CHRDL2: variants seen among roughly 807,000 people sequenced by gnomAD.
CHRDL2 encodes chordin-like protein 2.
Under a neutral mutation model 54.3 loss-of-function variants are expected in CHRDL2, and 41 were observed. That is an observed-to-expected ratio of 0.76 (90% CI 0.59 to 0.98). The LOEUF is 0.98. CHRDL2 is among the 50% of genes least tolerant of loss of function. The pLI, the probability that CHRDL2 is intolerant of heterozygous loss-of-function variation, is 0.00. For synonymous variants in CHRDL2, 220 were observed against 224.3 expected (o/e 0.98, Z 0.17); for missense variants, 518 against 562.4 (o/e 0.92, Z 0.80).
intron 2 of CHRDL2, among the ~76,000 whole-genome samples, chr11:74,714,414 G>A (rs1431561726): frequency 6.6e-6 from 1 of 152,182 alleles, no homozygotes; most frequent in Non-Finnish European, 1.5e-5. Context: ...TCTGAAGTTG[G>A]CGAAGTTTGT....
chr11:74,715,006 C>T (rs968842422), intron 2 of CHRDL2, among the ~76,000 whole-genome samples: 3 of 152,182 alleles, frequency 2.0e-5, no homozygotes, highest in Non-Finnish European at 2.9e-5. Flanking sequence ...CATCCCACTT[C>T]GTCTTCTCAA....
At chr11:74,728,326 CT>C (rs886397677) in intron 1 of CHRDL2, among the ~76,000 whole-genome samples, 76 of 152,286 alleles carry the variant, frequency 5.0e-4, no homozygotes, top group Middle Eastern at 3.4e-3. Context: ...CCACAACAGG[CT>C]TGAGATCTCA....
chr11:74,724,612 T>A (rs2034544350), intron 1 of CHRDL2, among the ~76,000 whole-genome samples: 1 of 152,214 alleles, frequency 6.6e-6, no homozygotes, highest in South Asian at 2.1e-4. Context: ...TGCTGTTTCC[T>A]CCACCTGGAA....
intron 9 of CHRDL2, among the ~76,000 whole-genome samples, chr11:74,702,515 T>G (rs2033851831): frequency 6.6e-6 from 1 of 152,160 alleles, no homozygotes; most frequent in Admixed American, 6.5e-5. Flanking sequence ...CATCTGTCTA[T>G]TTCTCCCTGC....
At position 74,710,921 on chromosome 11, in the gene CHRDL2, G is replaced by C; in HGVS notation, c.360C>G (p.His120Gln). 3.7e-6 allele frequency: 6 copies of C among 1,614,142 alleles called. No homozygotes were observed. Among genetic ancestry groups the C allele is most frequent in the Non-Finnish European group, 5.1e-6 (6 of 1,180,000 alleles). Residue 120 changes from histidine (H) to glutamine (Q), a missense_variant, in exon 4 of 11, where the codon CAC (histidine) becomes CAG (glutamine). Physicochemically the swap from His to Gln is conservative, Grantham distance 24 (BLOSUM62 0). Coordinates refer to ENST00000376332, the MANE Select transcript of CHRDL2 (RefSeq NM_001278473.3). The stretch of plus-strand genomic sequence containing the variant: ...GCTCATGGGCACTGAAGATCTCTCC[G>C]TGTTGGTACATGGTCCCGTTGTGCT... The part of the protein sequence containing the change: ...SCQHNGTMYQ[H>Q]GEIFSAHELF...
At position 74,704,577 on chromosome 11, in the gene CHRDL2, G is replaced by T. The variant is rs772610323; in HGVS notation, c.660C>A (p.Ser220Arg). The change falls in exon 7 of 11, where the codon AGC (serine) becomes AGA (arginine). Residue 220 changes from serine (S) to arginine (R), a missense_variant. By Grantham distance (110) the Ser-to-Arg change is moderately radical (BLOSUM62 -1). Transcript: ENST00000376332. ...GPGTPAPTGL[S>R]APLSFIPRHF... is the part of the protein sequence containing the mutation. ...GGCGAGGGATGAAGCTCAGAGGGGC[G>T]CTGAGGCCAGTGGGGGCTGGGGTGC... 7 of 1,591,888 alleles carry T rather than the reference G, an allele frequency of 4.4e-6. No individual in the cohort carries two copies. The highest frequency in any genetic ancestry group is 1.8e-5 in the Admixed American group (1 of 55,450).
chr11:74,723,861 A>G (rs1023094152), intron 1 of CHRDL2, among the ~76,000 whole-genome samples: 2 of 152,184 alleles, frequency 1.3e-5, no homozygotes, highest in African/African-American at 4.8e-5. Flanking sequence ...TTCCAATTTA[A>G]CATTTTGGAC....
chr11:74,704,366 T>C, intron 7 of CHRDL2, 120 bp downstream of exon 7: 7 of 914,738 alleles, frequency 7.7e-6, no homozygotes, highest in Non-Finnish European at 9.5e-6. Context: ...TACAAGCTCA[T>C]GGCCAAGTTG....
At chr11:74,712,936 G>A (rs545568199) in intron 3 of CHRDL2, among the ~76,000 whole-genome samples, 18 of 152,242 alleles carry the variant, frequency 1.2e-4, no homozygotes, top group African/African-American at 4.1e-4. Flanking sequence ...CTCAGCAGTG[G>A]GAGGAATCTC....
At chr11:74,720,281 A>T (rs1016720489) in intron 1 of CHRDL2, 2 of 153,358 alleles carry the variant, frequency 1.3e-5, no homozygotes, top group Non-Finnish European at 2.9e-5. Flanking sequence ...AGCCACTGCA[A>T]AATGGACATT....
Position 74,702,850 on chromosome 11 carries a change from G to C in CHRDL2, c.1064C>G (p.Ala355Gly). 6.2e-7 allele frequency: 1 copy of C among 1,614,132 alleles called. No individual in the cohort carries two copies. The highest frequency in any genetic ancestry group is 8.5e-7 in the Non-Finnish European group (1 of 1,180,034). Residue 355 changes from alanine (A) to glycine (G), a missense_variant, in exon 9 of 11, where the codon GCC (alanine) becomes GGC (glycine). Physicochemically the swap from Ala to Gly is moderately conservative, Grantham distance 60. Coordinates refer to ENST00000376332, the MANE Select transcript of CHRDL2 (RefSeq NM_001278473.3). ...CAAGTCCGAGGCCTCGTGTTCCAGGGCAAAGCGACGCAGGTTGTCTGGGCT... is the reference window on the plus strand; with the variant it reads ...CAAGTCCGAGGCCTCGTGTTCCAGGCCAAAGCGACGCAGGTTGTCTGGGCT... ...SPSPDNLRRF[A>G]LEHEASDLVE...
In CHRDL2 at chr11:74,713,412, G is replaced by C; in HGVS notation, c.263C>G (p.Pro88Arg). The C allele has an allele frequency of 6.2e-7, 1 of 1,614,146 alleles. No individual in the cohort carries two copies. The highest frequency in any genetic ancestry group is 8.5e-7 in the Non-Finnish European group (1 of 1,180,004). Residue 88 changes from proline (P) to arginine (R), a missense_variant, in exon 3 of 11, where the codon CCA becomes CGA. By Grantham distance (103) the Pro-to-Arg change is moderately radical. Coordinates refer to ENST00000376332, the MANE Select transcript of CHRDL2 (RefSeq NM_001278473.3). The stretch of plus-strand genomic sequence containing the variant: ...CACACACTTGGGACAGCATTGCTGT[G>C]GCTCCGTCACAGGCTGGGGGCAGTG... ...PVHCPQPVTE[P>R]QQCCPKCVEP...
At chr11:74,701,418 A>G (rs2033805124) in intron 9 of CHRDL2, 1 of 528,156 alleles carries the variant, frequency 1.9e-6, no homozygotes. Flanking sequence ...TGCCTGGGAC[A>G]GCCCTTCAGA....
At chr11:74,713,754 C>T (rs1465388103) in intron 2 of CHRDL2, among the ~76,000 whole-genome samples, 1 of 152,190 alleles carries the variant, frequency 6.6e-6, no homozygotes, top group Non-Finnish European at 1.5e-5. Context: ...CAGAGAAAGA[C>T]ATGTAAGCCT....
At chr11:74,708,446 C>T (rs776644040) in intron 4 of CHRDL2, 51 bp from the exon 5 acceptor site, 3 of 1,383,782 alleles carry the variant, frequency 2.2e-6, no homozygotes, top group African/African-American at 1.5e-5. Flanking sequence ...AAGGGCTAGC[C>T]TTGGGGGCTA....
At chr11:74,718,929 C>T (rs1419799935) in intron 1 of CHRDL2, 97 bp from the exon 2 acceptor site, 2 of 747,574 alleles carry the variant, frequency 2.7e-6, no homozygotes, top group Non-Finnish European at 2.2e-6. Context: ...GAGATGTCAT[C>T]TGGGCCACTC....
At chr11:74,728,662 G>A (rs2034607579) in intron 1 of CHRDL2, among the ~76,000 whole-genome samples, 1 of 152,194 alleles carries the variant, frequency 6.6e-6, no homozygotes, top group Admixed American at 6.5e-5. Flanking sequence ...AACTACAGGT[G>A]TGTACCACTG....
intron 3 of CHRDL2, among the ~76,000 whole-genome samples, chr11:74,712,061 C>T (rs901107263): frequency 2.6e-5 from 4 of 152,150 alleles, no homozygotes; most frequent in East Asian, 3.9e-4. Context: ...CCGCCCGCCT[C>T]GGCCTCCCAA....
At chr11:74,705,618 G>C (rs1322997641) in intron 6 of CHRDL2, among the ~76,000 whole-genome samples, 1 of 152,236 alleles carries the variant, frequency 6.6e-6, no homozygotes, top group Admixed American at 6.5e-5. Context: ...CACCCAGCCC[G>C]TCAGTAAGTA....
Sources: allele counts gnomAD v4.1 joint callset (sites outside exome capture counted in the v4.1 genomes callset), GRCh38; gene constraint gnomAD v4.1.1; transcripts MANE v1.5; gene names NCBI Gene and HGNC (gene_info 2026-07-23, HGNC 2026-07-21).